The following NT5DC2 variants were observed in gnomAD, a reference collection of about 807,000 sequenced individuals.
NT5DC2 encodes the protein 5'-nucleotidase domain containing 2, also known as 5'-nucleotidase domain-containing protein 2.
A neutral mutation model predicts 70.0 loss-of-function variants in NT5DC2; 41 were observed. The observed-to-expected ratio is 0.59, with a 90% CI of 0.46 to 0.76. The LOEUF (loss-of-function observed/expected upper bound fraction) is 0.76. NT5DC2 is among the 30% of genes least tolerant of loss of function. The pLI is 0.00. For missense variants in NT5DC2, 705 were observed against 783.2 expected (o/e 0.90, Z 1.19); for synonymous variants, 299 against 310.4 (o/e 0.96, Z 0.39).
At position 52,533,528 on chromosome 3, in the gene NT5DC2, C is replaced by G; in HGVS notation, c.210G>C (p.Gln70His). The change falls in exon 1 of 14, where the codon CAG (glutamine) becomes CAC (histidine). Residue 70 changes from glutamine (Q) to histidine (H), a missense_variant. Gln to His is a conservative substitution (Grantham distance 24). Transcript: ENST00000422318. ...CACCGTGCACCAGTCTCCGCATGTC[C>G]TGGTAGCGAGCCCATAGGTGCGCGC... Reference protein sequence around the residue: ...DLSAHLWARYQDMRRLVHDLL... With the variant: ...DLSAHLWARYHDMRRLVHDLL... 6.9e-7 allele frequency: 1 copy of G among 1,456,856 alleles called. No individual in the cohort carries two copies. The allele number at this position is 1,456,856 out of a possible 1,614,324, so 90.2% of individuals were successfully genotyped here.
In NT5DC2 at chr3:52,533,588, C is replaced by T. The variant is rs1299872753; in HGVS notation, c.150G>A (p.Ala50=). The part of the protein sequence containing the change: ...GAHCPGVPRS[A]PAQAPTSGAD... ...CGCCGCTGGTGGGTGCCTGGGCGGG[C>T]GCGGAGCGCGGGACGCCGGGGCAGT... is the stretch of plus-strand genomic sequence containing the variant. Residue 50 remains alanine (A), a synonymous_variant, in exon 1 of 14, where the codon GCG becomes GCA. Transcript: ENST00000422318. 6.2e-6 allele frequency: 8 copies of T among 1,286,302 alleles called. No homozygotes were observed. Among genetic ancestry groups the T allele is most frequent in the Middle Eastern group, 2.9e-4 (1 of 3,430 alleles). The allele number at this position is 1,286,302 out of a possible 1,614,324, so 79.7% of individuals were successfully genotyped here.
chr3:52,527,830 C>G lies in NT5DC2; in HGVS notation c.934G>C (p.Val312Leu). The change falls in exon 8 of 14, where the codon GTA becomes CTA. Residue 312 changes from valine (V) to leucine (L), a missense_variant and splice_region_variant. Val to Leu is a conservative substitution (Grantham distance 32). Transcript: ENST00000422318. The stretch of plus-strand genomic sequence containing the variant: ...TCCATCCACAGGGGCTGGACTCACA[C>G]GAAGCTGAAAGGACTGTTGGTGATG... ...FLITNSPFSF[V>L]DKGMRHMVGP... The G allele has an allele frequency of 3.1e-6, 5 of 1,613,338 alleles. No homozygotes were observed. The highest frequency in any genetic ancestry group is 4.2e-6 in the Non-Finnish European group (5 of 1,180,016).
upstream of NT5DC2, chr3:52,534,524 C>T (rs2079404075): frequency 6.2e-7 from 1 of 1,613,076 alleles, no homozygotes; most frequent in Non-Finnish European, 8.5e-7. Flanking sequence ...GGCAACTGGC[C>T]GCACTGACCC....
At position 52,531,888 on chromosome 3, in the gene NT5DC2, T is replaced by A. The variant is rs547101093; in HGVS notation, c.232+1618A>T. Among the ~76,000 whole-genome samples the A allele has an allele frequency of 2.0e-5, 3 of 152,160 alleles. No homozygotes were observed. The highest frequency in any genetic ancestry group is 4.4e-5 in the Non-Finnish European group (3 of 68,032). On this transcript the variant is annotated intron_variant, in intron 1 of 13. Transcript: ENST00000422318. This position sits in a 1 kb window ranked among gnomAD's most constrained non-coding sequence, Gnocchi z 4.1. ...TGAGGCAGTCCCACTTATTCCCCCATCGTCCGGAGGAAGAAACTGGGGCTC... is the reference window on the plus strand; with the variant it reads ...TGAGGCAGTCCCACTTATTCCCCCAACGTCCGGAGGAAGAAACTGGGGCTC...
Position 52,528,302 on chromosome 3 carries a change from T to TA in NT5DC2, c.651_652insT (p.Ile218TyrfsTer2). The TA allele has an allele frequency of 1.9e-6, 3 of 1,613,298 alleles. No individual in the cohort carries two copies. Among genetic ancestry groups the TA allele is most frequent in the Non-Finnish European group, 2.5e-6 (3 of 1,180,010 alleles). On this transcript the variant is annotated frameshift_variant, in exon 6 of 14. Coordinates refer to ENST00000422318, the MANE Select transcript of NT5DC2 (RefSeq NM_001134231.2). LOFTEE classifies it high-confidence loss of function. ...GAGAAGATGTCCATGAACTGCTTAA[T>TA]GGAGGGACCCTGGGGAGGGGGCCAT...
In NT5DC2 at chr3:52,527,904, G is replaced by A. The variant is rs771645958; in HGVS notation, c.860C>T (p.Thr287Met). The change falls in exon 8 of 14, where the codon ACG (threonine) becomes ATG (methionine). Residue 287 changes from threonine to methionine, a missense_variant. Transcript: ENST00000422318. ...MEKYILRGDE[T>M]FAVLSRLVAH... is the part of the protein sequence containing the mutation. The stretch of plus-strand genomic sequence containing the variant: ...CACCAGGCGGCTCAGGACAGCAAAC[G>A]TCTCATCCCCTCTCAGGATGTACTT... 7.4e-6 allele frequency: 12 copies of A among 1,613,556 alleles called. No individual in the cohort carries two copies. The highest frequency in any genetic ancestry group is 3.3e-5 in the Admixed American group (2 of 60,030).
chr3:52,527,279 C>G lies in NT5DC2; in HGVS notation c.1119+15G>C. 1 of 1,613,434 alleles carries G rather than the reference C, an allele frequency of 6.2e-7. No individual in the cohort carries two copies. Among genetic ancestry groups the G allele is most frequent in the Non-Finnish European group, 8.5e-7 (1 of 1,179,510 alleles). ...ATGCCCCCACCACATGCTGCTCTCCCCAGATGGCCCTTACCTGCCGATAGA... is the reference window on the plus strand; with the variant it reads ...ATGCCCCCACCACATGCTGCTCTCCGCAGATGGCCCTTACCTGCCGATAGA... On this transcript the variant is annotated intron_variant, in intron 10 of 13. Coordinates refer to ENST00000422318, the MANE Select transcript of NT5DC2 (RefSeq NM_001134231.2).
chr3:52,533,664 G>T lies in NT5DC2; in HGVS notation c.74C>A (p.Ala25Asp), dbSNP rs2079390788. 1 of 1,148,664 alleles carries T rather than the reference G, an allele frequency of 8.7e-7. No individual in the cohort carries two copies. Among genetic ancestry groups the T allele is most frequent in the Non-Finnish European group, 1.1e-6 (1 of 935,428 alleles). The allele number at this position is 1,148,664 out of a possible 1,614,324, so 71.2% of individuals were successfully genotyped here. ...CCCAGGGCAGGAGGGCGAGGACGAG[G>T]CGGCTCGCGGCCCGCCGTGGCCTCC... ...LCGGHGGPRA[A>D]SSSPSCPGCG... Residue 25 changes from alanine (A) to aspartate (D), a missense_variant, in exon 1 of 14, where the codon GCC becomes GAC. Coordinates refer to ENST00000422318, the MANE Select transcript of NT5DC2 (RefSeq NM_001134231.2).
intron 8 of NT5DC2, 55 bp from the exon 9 acceptor site, chr3:52,527,773 C>T: frequency 1.2e-6 from 2 of 1,611,272 alleles, no homozygotes; most frequent in Non-Finnish European, 8.5e-7. Flanking sequence ...CGTGCCTGCC[C>T]TCCCCACCCA....
At position 52,529,322 on chromosome 3, in the gene NT5DC2, G is replaced by A; in HGVS notation, c.245C>T (p.Pro82Leu). ...MRRLVHDLLP[P>L]EVCSLLNPAA... ...TGGGTTCAGGAGACTGCAGACCTCG[G>A]GGGGCAGGAGGTCTAGAGGAAGGAG... is the stretch of plus-strand genomic sequence containing the variant. The change falls in exon 2 of 14, where the codon CCC becomes CTC. Residue 82 changes from proline to leucine, a missense_variant. Physicochemically the swap from Pro to Leu is moderately conservative, Grantham distance 98. Coordinates refer to ENST00000422318, the MANE Select transcript of NT5DC2 (RefSeq NM_001134231.2). The surrounding 1 kb of genome is among the most constrained non-coding windows in gnomAD (Gnocchi z 4.1). 1 of 1,613,544 alleles carries A rather than the reference G, an allele frequency of 6.2e-7. No individual in the cohort carries two copies. Among genetic ancestry groups the A allele is most frequent in the Non-Finnish European group, 8.5e-7 (1 of 1,179,910 alleles).
chr3:52,528,426 G>C lies in NT5DC2; in HGVS notation c.642+20C>G. On this transcript the variant is annotated intron_variant, in intron 5 of 13. Coordinates refer to ENST00000422318, the MANE Select transcript of NT5DC2 (RefSeq NM_001134231.2). ...GGGCACATGTCCATGGGGCAGGCTG[G>C]CTGCTGGGGTATGGAGTACCTTGCC... The C allele has an allele frequency of 1.9e-6, 3 of 1,613,368 alleles. No individual in the cohort carries two copies. Among genetic ancestry groups the C allele is most frequent in the Non-Finnish European group, 2.5e-6 (3 of 1,179,860 alleles).
rs1364430234 is a variant in NT5DC2 at position 52,529,256 on chromosome 3, A to G, written c.311T>C (p.Val104Ala). ...YANNEISLRD[V>A]EVYGFDYDYT... ...GTCGTAGTCAAAGCCGTAGACCTCA[A>G]CGTCACGCAGGCTGATCTCGTTGTT... The change falls in exon 2 of 14, where the codon GTT becomes GCT. Residue 104 changes from valine (V) to alanine (A), a missense_variant. By Grantham distance (64) the Val-to-Ala change is moderately conservative. Transcript: ENST00000422318. This position sits in a 1 kb window ranked among gnomAD's most constrained non-coding sequence, Gnocchi z 4.1. 1.9e-6 allele frequency: 3 copies of G among 1,613,532 alleles called. No individual in the cohort carries two copies. The highest frequency in any genetic ancestry group is 1.7e-5 in the Admixed American group (1 of 59,946).
In NT5DC2 at chr3:52,524,987, G is replaced by T; in HGVS notation, c.1323C>A (p.Leu441=). 6.2e-7 allele frequency: 1 copy of T among 1,611,126 alleles called. No homozygotes were observed. Among genetic ancestry groups the T allele is most frequent in the South Asian group, 1.1e-5 (1 of 90,960 alleles). ...YMHSLTWQQA[L]TGLLERMQTY... is the part of the protein sequence containing the mutation. ...CCTGCATGCGCTCCAGCAGCCCCGT[G>T]AGCGCCTGCTGCCACGTCAGCGAGT... The change falls in exon 12 of 14, where the codon CTC becomes CTA. Residue 441 remains leucine, a synonymous_variant. Transcript: ENST00000422318.
At position 52,528,557 on chromosome 3, in the gene NT5DC2, A is replaced by G. The variant is rs774959520; in HGVS notation, c.549-18T>C. The G allele has an allele frequency of 3.4e-6, 5 of 1,464,440 alleles. 1 individual carries two copies. In the African/African-American group the frequency reaches 6.1e-5, roughly 18 times the overall value. The allele number at this position is 1,464,440 out of a possible 1,614,324, so 90.7% of individuals were successfully genotyped here. ...GGAGGCCCCTGAGCAGGCCCAAGAT[A>G]CCATCAGTCCAAGGTAGTCCTGAGC... On this transcript the variant is annotated intron_variant, in intron 4 of 13. Transcript: ENST00000422318.
chr3:52,533,409 TG>T, intron 1 of NT5DC2, 96 bp downstream of exon 1: 1 of 1,292,966 alleles, frequency 7.7e-7, no homozygotes, highest in East Asian at 3.3e-5. Context: ...CGAGCCCCAC[TG>T]GGTGTTTCCC....
chr3:52,525,150 G>T, intron 11 of NT5DC2, 47 bp from the exon 12 acceptor site: 1 of 1,462,162 alleles, frequency 6.8e-7, no homozygotes. Flanking sequence ...GTTGCTGGGG[G>T]CGGGGGGGGG....
At chr3:52,530,716 T>A (rs1428548920) in intron 1 of NT5DC2, among the ~76,000 whole-genome samples, 3 of 151,984 alleles carry the variant, frequency 2.0e-5, no homozygotes, top group Non-Finnish European at 4.4e-5. Context: ...AAAAAAAAAA[T>A]TGTACCAACC....
chr3:52,529,083 T>C lies in NT5DC2; in HGVS notation c.417+67A>G. ...GAGCCCCACGACTCAGCCCTGAGCTTAGGCCAAGGTGGGTCTGGCCAGCCT... is the reference window on the plus strand; with the variant it reads ...GAGCCCCACGACTCAGCCCTGAGCTCAGGCCAAGGTGGGTCTGGCCAGCCT... On this transcript the variant is annotated intron_variant, in intron 2 of 13. Coordinates refer to ENST00000422318, the MANE Select transcript of NT5DC2 (RefSeq NM_001134231.2). This position sits in a 1 kb window ranked among gnomAD's most constrained non-coding sequence, Gnocchi z 4.1. The C allele has an allele frequency of 6.2e-7, 1 of 1,604,536 alleles. No individual in the cohort carries two copies. The highest frequency in any genetic ancestry group is 8.5e-7 in the Non-Finnish European group (1 of 1,172,742).
chr3:52,534,473 G>A (rs765185676), upstream of NT5DC2: 24 of 1,610,706 alleles, frequency 1.5e-5, no homozygotes, highest in Non-Finnish European at 1.9e-5. Context: ...GCGCTGCAGG[G>A]TTGTGGGCCA....
Sources: allele counts gnomAD v4.1 joint callset (sites outside exome capture counted in the v4.1 genomes callset), GRCh38; gene constraint gnomAD v4.1.1; non-coding constraint Gnocchi (gnomAD v3.1); transcripts MANE v1.5; gene names NCBI Gene and HGNC (gene_info 2026-07-23, HGNC 2026-07-21).